The following C10orf67 variants were observed in gnomAD, a reference collection of about 807,000 sequenced individuals.
C10orf67 encodes chromosome 10 open reading frame 67.
C10orf67 carries 60 observed loss-of-function variants against 35.6 expected under a neutral mutation model. The ratio of observed to expected loss-of-function variants is 1.68; its 90% confidence interval spans 1.37 to 2.09. The LOEUF is 2.09. Ranked by LOEUF, C10orf67 falls within the 30% of genes most tolerant of loss-of-function variation. The probability of loss-of-function intolerance (pLI) is 0.00; values close to 1 mark genes in which losing one functional copy is unlikely to be tolerated. For missense variants in C10orf67, 474 were observed against 330.2 expected (o/e 1.44, Z -3.38); for synonymous variants, 167 against 115.8 (o/e 1.44, Z -2.84).
intron 8 of C10orf67, among the ~76,000 whole-genome samples, chr10:23,268,061 G>A (rs985960262): frequency 2.0e-5 from 3 of 152,164 alleles, no homozygotes; most frequent in Admixed American, 2.0e-4. Flanking sequence ...GCTGAAGCAG[G>A]AGGATTGCTT....
At chr10:23,314,410 C>T (rs1186697323) in intron 4 of C10orf67, among the ~76,000 whole-genome samples, 1 of 150,906 alleles carries the variant, frequency 6.6e-6, no homozygotes, top group East Asian at 1.9e-4. Context: ...TCACTTGAGG[C>T]CAGGAGTTTG....
chr10:23,259,372 G>T (rs139263384), intron 10 of C10orf67, among the ~76,000 whole-genome samples: 13 of 152,256 alleles, frequency 8.5e-5, no homozygotes, highest in Non-Finnish European at 1.6e-4. Flanking sequence ...TATTATGATG[G>T]CATTCTGCTA....
At chr10:23,216,170 T>TA (rs1206424855) in intron 15 of C10orf67, among the ~76,000 whole-genome samples, 1 of 152,062 alleles carries the variant, frequency 6.6e-6, no homozygotes, top group Non-Finnish European at 1.5e-5. Flanking sequence ...TAGACTCCTA[T>TA]AAAAAAGAAC....
At chr10:23,318,635 G>A (rs951496016) in intron 4 of C10orf67, 45 of 410,700 alleles carry the variant, frequency 1.1e-4, no homozygotes, top group Admixed American at 9.9e-4. Flanking sequence ...GTGGGAGACA[G>A]TGTCACAGAT....
intron 4 of C10orf67, among the ~76,000 whole-genome samples, chr10:23,310,596 C>T (rs1844460053): frequency 6.6e-6 from 1 of 152,152 alleles, no homozygotes; most frequent in Non-Finnish European, 1.5e-5. Flanking sequence ...ATCCTGTCAC[C>T]TCTCCAGATG....
At chr10:23,216,141 A>C (rs1467805001) in intron 15 of C10orf67, among the ~76,000 whole-genome samples, 1 of 152,218 alleles carries the variant, frequency 6.6e-6, no homozygotes, top group Non-Finnish European at 1.5e-5. Flanking sequence ...ACTAGCAAAG[A>C]GATAATGTTC....
chr10:23,312,485 A>G (rs528513295), intron 4 of C10orf67, among the ~76,000 whole-genome samples: 9 of 152,152 alleles, frequency 5.9e-5, no homozygotes, highest in African/African-American at 1.9e-4. Flanking sequence ...GGAGTTGGCT[A>G]CTCCTCCAAA....
intron 1 of C10orf67, among the ~76,000 whole-genome samples, chr10:23,339,344 T>A (rs894254535): frequency 6.7e-6 from 1 of 149,630 alleles, no homozygotes; most frequent in Non-Finnish European, 1.5e-5. Context: ...AGAGGATTCT[T>A]TGGGGTGCCT....
At chr10:23,284,658 C>A (rs1038275861) in intron 7 of C10orf67, among the ~76,000 whole-genome samples, 3 of 152,032 alleles carry the variant, frequency 2.0e-5, no homozygotes, top group Non-Finnish European at 4.4e-5. Flanking sequence ...TGCACTCCAT[C>A]GCAGGCAACA....
chr10:23,344,730 T>G lies in C10orf67; in HGVS notation c.45A>C (p.Ile15=), dbSNP rs1417813259. 3 of 1,573,378 alleles carry G rather than the reference T, an allele frequency of 1.9e-6. No individual in the cohort carries two copies. Among genetic ancestry groups the G allele is most frequent in the Non-Finnish European group, 2.6e-6 (3 of 1,159,882 alleles). ...RDRRAHYVMS[I]VIRWVHCFSS... The stretch of plus-strand genomic sequence containing the variant: ...AAAAGCAGTGAACCCATCTAATAAC[T>G]ATGCTCATGACATAATGAGCCCTGC... The change falls in exon 1 of 16, where the codon ATA becomes ATC. Residue 15 remains isoleucine (I), a synonymous_variant. Transcript: ENST00000636213.
chr10:23,260,019 A>G (rs970238440), intron 10 of C10orf67, among the ~76,000 whole-genome samples: 1 of 152,186 alleles, frequency 6.6e-6, no homozygotes, highest in African/African-American at 2.4e-5. Context: ...TCAAACTACA[A>G]ATTCAAGAAG....
intron 2 of C10orf67, among the ~76,000 whole-genome samples, chr10:23,332,424 T>A (rs1477613677): frequency 6.6e-6 from 1 of 152,186 alleles, no homozygotes; most frequent in African/African-American, 2.4e-5. Flanking sequence ...GGCTCACACC[T>A]GTAATCTCAG....
intron 5 of C10orf67, among the ~76,000 whole-genome samples, chr10:23,301,288 G>A (rs1238203290): frequency 6.6e-6 from 1 of 152,162 alleles, no homozygotes; most frequent in African/African-American, 2.4e-5. Context: ...AAAATTGAAA[G>A]TGGAAGCTGG....
intron 7 of C10orf67, among the ~76,000 whole-genome samples, chr10:23,286,634 GA>G (rs1843546674): frequency 6.8e-6 from 1 of 147,408 alleles, no homozygotes; most frequent in African/African-American, 2.5e-5. Flanking sequence ...GGAAAGGAGG[GA>G]GGGAGGAAAG....
At position 23,327,693 on chromosome 10, in the gene C10orf67, C is replaced by T. The variant is rs145789474; in HGVS notation, c.328-5156G>A. Among the ~76,000 whole-genome samples the T allele has an allele frequency of 1.9e-3, 291 of 151,986 alleles. 5 individuals carry two copies. The East Asian group carries it at 0.031, about 16-fold the overall frequency. ...TACAAAAATTATCCGGGCGTGGTGGCGTGCCCCTGTAATCCCAGCTACTCA... is the reference window on the plus strand; with the variant it reads ...TACAAAAATTATCCGGGCGTGGTGGTGTGCCCCTGTAATCCCAGCTACTCA... On this transcript the variant is annotated intron_variant, in intron 2 of 15. Coordinates refer to ENST00000636213, the MANE Select transcript of C10orf67 (RefSeq NM_001371909.1).
At chr10:23,264,780 C>T (rs1278354906) in intron 10 of C10orf67, among the ~76,000 whole-genome samples, 3 of 152,180 alleles carry the variant, frequency 2.0e-5, no homozygotes, top group Non-Finnish European at 4.4e-5. Context: ...GGCTCAGCTG[C>T]TCTGCCCCAG....
intron 10 of C10orf67, among the ~76,000 whole-genome samples, chr10:23,251,089 C>A (rs1314686714): frequency 6.6e-6 from 1 of 151,944 alleles, no homozygotes; most frequent in African/African-American, 2.4e-5. Flanking sequence ...AGAACGAGAC[C>A]CTGTCTCAAA....
intron 12 of C10orf67, among the ~76,000 whole-genome samples, chr10:23,245,585 G>T (rs1460961623): frequency 6.6e-6 from 1 of 152,078 alleles, no homozygotes; most frequent in African/African-American, 2.4e-5. Context: ...CACACAAATG[G>T]CCAAGTATAT....
intron 7 of C10orf67, among the ~76,000 whole-genome samples, chr10:23,284,899 A>C (rs533324139): frequency 6.6e-6 from 1 of 152,220 alleles, no homozygotes; most frequent in Admixed American, 6.5e-5. Flanking sequence ...ATCCCTGTAG[A>C]CTTCACCTGT....
Sources: allele counts gnomAD v4.1 joint callset (sites outside exome capture counted in the v4.1 genomes callset), GRCh38; gene constraint gnomAD v4.1.1; transcripts MANE v1.5; gene names NCBI Gene and HGNC (gene_info 2026-07-23, HGNC 2026-07-21).